GOLM2: variants seen among roughly 807,000 people sequenced by gnomAD.
The protein encoded by GOLM2 is golgi membrane protein 2.
Under a neutral mutation model 55.9 loss-of-function variants are expected in GOLM2, and 26 were observed. That is an observed-to-expected ratio of 0.47 (90% CI 0.34 to 0.65). The LOEUF is 0.65. Among genes scored for constraint, GOLM2 ranks in the 30% least tolerant of loss-of-function variants. The pLI is 0.01. For missense variants in GOLM2, 486 were observed against 531.8 expected (o/e 0.91, Z 0.85); for synonymous variants, 165 against 194.6 (o/e 0.85, Z 1.27).
intron 9 of GOLM2, among the ~76,000 whole-genome samples, chr15:44,407,846 G>C (rs528972624): frequency 7.3e-4 from 110 of 151,222 alleles, no homozygotes; most frequent in African/African-American, 2.6e-3. Context: ...CCCCCTCCCA[G>C]GTTCAAGCAA....
At chr15:44,398,483 G>C (rs1291723258) in intron 8 of GOLM2, among the ~76,000 whole-genome samples, 1 of 151,904 alleles carries the variant, frequency 6.6e-6, no homozygotes, top group Non-Finnish European at 1.5e-5. Flanking sequence ...TTGTATCACA[G>C]TGCATAGTGC....
intron 6 of GOLM2, among the ~76,000 whole-genome samples, chr15:44,378,936 G>A (rs2079383313): frequency 6.6e-6 from 1 of 151,998 alleles, no homozygotes; most frequent in Admixed American, 6.6e-5. Flanking sequence ...TAGTAGAGAT[G>A]GGGTTTCACC....
At chr15:44,375,236 G>C (rs1015551059) in intron 6 of GOLM2, among the ~76,000 whole-genome samples, 1 of 152,034 alleles carries the variant, frequency 6.6e-6, no homozygotes, top group African/African-American at 2.4e-5. Flanking sequence ...GGCCAGGCTG[G>C]TTTCAAACTC....
chr15:44,347,481 C>T (rs2079133451), intron 6 of GOLM2, among the ~76,000 whole-genome samples: 2 of 152,164 alleles, frequency 1.3e-5, no homozygotes, highest in African/African-American at 2.4e-5. Flanking sequence ...CAGAACTCAG[C>T]CAATGCCCAC....
At chr15:44,312,905 C>T (rs2078883698) in intron 1 of GOLM2, among the ~76,000 whole-genome samples, 1 of 152,092 alleles carries the variant, frequency 6.6e-6, no homozygotes, top group African/African-American at 2.4e-5. Flanking sequence ...ATGGTGAAAC[C>T]CCATCTCTAC....
chr15:44,342,128 A>C lies in GOLM2; in HGVS notation c.802+3811A>C, dbSNP rs143082340. Among the ~76,000 whole-genome samples, 1,197 of 152,326 alleles carry C rather than the reference A, an allele frequency of 7.9e-3. 14 individuals are homozygous for C. The highest frequency in any genetic ancestry group is 0.027 in the African/African-American group (1,141 of 41,562). On this transcript the variant is annotated intron_variant, in intron 6 of 9. Coordinates refer to ENST00000299957, the MANE Select transcript of GOLM2 (RefSeq NM_138423.4). ...TGCAGCACTATAATTTGGAACTGGG[A>C]AAAACACCACGTGTATTAACATTTT...
At chr15:44,332,772 A>G (rs2079030827) in intron 4 of GOLM2, among the ~76,000 whole-genome samples, 1 of 152,102 alleles carries the variant, frequency 6.6e-6, no homozygotes, top group Non-Finnish European at 1.5e-5. Flanking sequence ...CCTTTCCTAA[A>G]GCACAGAAAT....
At chr15:44,359,582 C>T (rs996916350) in intron 6 of GOLM2, among the ~76,000 whole-genome samples, 7 of 152,042 alleles carry the variant, frequency 4.6e-5, no homozygotes, top group East Asian at 1.9e-4. Flanking sequence ...AGCGAGACTC[C>T]GTCTCAAAAA....
chr15:44,337,794 G>T lies in GOLM2; in HGVS notation c.608G>T (p.Gly203Val), dbSNP rs140660671. 3 of 1,586,622 alleles carry T rather than the reference G, an allele frequency of 1.9e-6. No individual in the cohort carries two copies. Among genetic ancestry groups the T allele is most frequent in the African/African-American group, 1.4e-5 (1 of 73,072 alleles). The part of the protein sequence containing the change: ...QETQKIQSND[G>V]KELDINNQVV... ...ACCCAAAAGATTCAATCAAATGATG[G>T]AAAGGAATTGGATATAAACAATCAA... The change falls in exon 5 of 10, where the codon GGA becomes GTA. Residue 203 changes from glycine to valine, a missense_variant. Coordinates refer to ENST00000299957, the MANE Select transcript of GOLM2 (RefSeq NM_138423.4).
rs1468268256 is a variant in GOLM2 at position 44,331,978 on chromosome 15, T to C, written c.486-10T>C. ...ATAATATAATCTAAAAGAATGACTT[T>C]GTAATTTAGTTTTCAGTGTGGACAG... is the stretch of plus-strand genomic sequence containing the variant. On this transcript the variant is annotated splice_polypyrimidine_tract_variant and intron_variant, in intron 3 of 9. Transcript: ENST00000299957. 1.3e-6 allele frequency: 2 copies of C among 1,565,852 alleles called. No homozygotes were observed. Among genetic ancestry groups the C allele is most frequent in the East Asian group, 2.3e-5 (1 of 44,226 alleles).
chr15:44,392,601 GAC>G (rs1235329448), intron 8 of GOLM2, among the ~76,000 whole-genome samples: 2 of 146,058 alleles, frequency 1.4e-5, no homozygotes, highest in African/African-American at 5.1e-5. Context: ...CCAGCCTGGT[GAC>G]AAAGCGAGAC....
Position 44,364,713 on chromosome 15 carries a change from A to G in GOLM2, c.803-14977A>G, listed in dbSNP as rs150756068. On this transcript the variant is annotated intron_variant, in intron 6 of 9. Transcript: ENST00000299957. ...CTGTCTCAAAAAAAAAAGAAGAGAA[A>G]AGAAAACAACTTGATTAAAAAATGG... 5.6e-4 allele frequency among the ~76,000 whole-genome samples: 85 copies of G among 152,198 alleles called. 1 individual carries two copies. The highest frequency in any genetic ancestry group is 2.0e-3 in the African/African-American group (84 of 41,526).
At chr15:44,411,013 CTTTTTTTTTTTTTT>C (rs201998296) in intron 9 of GOLM2, among the ~76,000 whole-genome samples, 2 of 81,338 alleles carry the variant, frequency 2.5e-5, no homozygotes, top group East Asian at 3.6e-4. Flanking sequence ...GTTTGTTTGA[CTTTTTTTTTTTTTT>C]TTTTTTTTTT....
chr15:44,357,396 A>T (rs1032678816), intron 6 of GOLM2, among the ~76,000 whole-genome samples: 2 of 152,224 alleles, frequency 1.3e-5, no homozygotes, highest in African/African-American at 4.8e-5. Flanking sequence ...ATACAGGGAA[A>T]CTTTCTCAAC....
chr15:44,392,839 T>C (rs1486597263), intron 8 of GOLM2, among the ~76,000 whole-genome samples: 6 of 152,208 alleles, frequency 3.9e-5, no homozygotes, highest in Non-Finnish European at 7.3e-5. Context: ...CATGCATTTA[T>C]GATAAAACAA....
intron 6 of GOLM2, among the ~76,000 whole-genome samples, chr15:44,370,137 A>G (rs2079320479): frequency 6.6e-6 from 1 of 152,196 alleles, no homozygotes; most frequent in African/African-American, 2.4e-5. Context: ...CATCAGATTA[A>G]GGGTGGGTCT....
chr15:44,324,799 A>G (rs898167935), intron 2 of GOLM2, among the ~76,000 whole-genome samples: 1 of 151,608 alleles, frequency 6.6e-6, no homozygotes, highest in African/African-American at 2.4e-5. Context: ...TTTCTTACCT[A>G]TCCCTAATCT....
intron 2 of GOLM2, among the ~76,000 whole-genome samples, chr15:44,324,660 C>T (rs746186275): frequency 6.6e-6 from 1 of 152,074 alleles, no homozygotes; most frequent in South Asian, 2.1e-4. Flanking sequence ...AATAAATTGA[C>T]ATTCTACTAT....
At chr15:44,321,817 G>A (rs2078951791) in intron 1 of GOLM2, among the ~76,000 whole-genome samples, 1 of 152,086 alleles carries the variant, frequency 6.6e-6, no homozygotes, top group Admixed American at 6.6e-5. Context: ...ACTTTGGGAG[G>A]CCAGCAGGAG....
Sources: gnomAD v4.1 joint callset for allele counts (sites outside exome capture counted in the v4.1 genomes callset) on GRCh38, gnomAD v4.1.1 for gene constraint, MANE v1.5 for transcripts, NCBI Gene and HGNC (gene_info 2026-07-23, HGNC 2026-07-21) for gene names.